CIT: variants seen among roughly 807,000 people sequenced by gnomAD.
CIT encodes the protein citron rho-interacting serine/threonine kinase.
A neutral mutation model predicts 272.7 loss-of-function variants in CIT; 79 were observed. The ratio of observed to expected loss-of-function variants is 0.29; its 90% CI spans 0.24 to 0.35. The LOEUF (loss-of-function observed/expected upper bound fraction) is 0.35, where lower values mean the gene tolerates loss of function less well. CIT is among the 10% of genes least tolerant of loss of function. The probability of loss-of-function intolerance (pLI) is 1.00; values close to 1 mark genes in which losing one functional copy is unlikely to be tolerated. For missense variants in CIT, 1,909 were observed against 2,618.3 expected (o/e 0.73, Z 5.91); for synonymous variants, 948 against 995.6 (o/e 0.95, Z 0.90).
rs140582966 is a variant in CIT, at chr12:119,728,552, G to C, written c.3541C>G (p.Gln1181Glu). 5.0e-6 allele frequency: 8 copies of C among 1,613,780 alleles called. No homozygotes were observed. The highest frequency in any genetic ancestry group is 1.3e-5 in the African/African-American group (1 of 74,924). Residue 1181 changes from glutamine to glutamate, a missense_variant, in exon 28 of 48, where the codon CAG becomes GAG. Physicochemically the swap from Gln to Glu is conservative, Grantham distance 29. Coordinates refer to ENST00000392521, the MANE Select transcript of CIT (RefSeq NM_001206999.2). This position sits in a 1 kb window ranked among gnomAD's most constrained non-coding sequence, Gnocchi z 4.3. ...AMLEMNARSL[Q>E]QKLETERELK... The stretch of plus-strand genomic sequence containing the variant: ...TCTCGTTCAGTCTCCAGCTTCTGCT[G>C]TAAGCTTCGGGCATTCATTTCAAGC...
At chr12:119,842,967 A>T (rs1234441190) in intron 5 of CIT, among the ~76,000 whole-genome samples, 1 of 152,200 alleles carries the variant, frequency 6.6e-6, no homozygotes, top group Non-Finnish European at 1.5e-5. Flanking sequence ...AGTGGGACAG[A>T]CCAGCACCCA....
rs1160619370 is a variant in CIT, at chr12:119,728,470, CT to C, written c.3591+31del. The C allele has an allele frequency of 2.8e-6, 4 of 1,418,986 alleles. No individual in the cohort carries two copies. Among genetic ancestry groups the C allele is most frequent in the Non-Finnish European group, 3.9e-6 (4 of 1,026,430 alleles). The allele number at this position is 1,418,986 out of a possible 1,614,324, so 87.9% of individuals were successfully genotyped here. ...CCTATTAAAAGAAAAAAAAAATCCACTTGGCCCTTCTCCCAGGTATTTCACA... is the reference window on the plus strand; with the variant it reads ...CCTATTAAAAGAAAAAAAAAATCCACTGGCCCTTCTCCCAGGTATTTCACA... On this transcript the variant is annotated intron_variant, in intron 28 of 47. Transcript: ENST00000392521. This position sits in a 1 kb window ranked among gnomAD's most constrained non-coding sequence, Gnocchi z 4.3.
intron 22 of CIT, among the ~76,000 whole-genome samples, chr12:119,754,425 C>A (rs1040197018): frequency 6.6e-6 from 1 of 152,204 alleles, no homozygotes; most frequent in Non-Finnish European, 1.5e-5. Flanking sequence ...CAGAGTGGAC[C>A]TCTACTAGCA....
chr12:119,694,446 G>A lies in CIT; in HGVS notation c.5882+3213C>T, dbSNP rs1253464758. ...GAATAACTACTTCTCACACTGACAC[G>A]GAGCAATCGCCAAGACACATCAAGG... is the stretch of plus-strand genomic sequence containing the variant. On this transcript the variant is annotated intron_variant, in intron 46 of 47. Transcript: ENST00000392521. The surrounding 1 kb of genome is among the most constrained non-coding windows in gnomAD (Gnocchi z 4.5). Among the ~76,000 whole-genome samples, 3 of 152,144 alleles carry A rather than the reference G, an allele frequency of 2.0e-5. No homozygotes were observed. The highest frequency in any genetic ancestry group is 4.4e-5 in the Non-Finnish European group (3 of 68,020).
Position 119,830,906 on chromosome 12 carries a change from G to A in CIT, c.753+1865C>T, listed in dbSNP as rs890750013. 4.6e-5 allele frequency among the ~76,000 whole-genome samples: 7 copies of A among 151,902 alleles called. No individual in the cohort carries two copies. The East Asian group carries it at 7.7e-4, about 17-fold the overall frequency. On this transcript the variant is annotated intron_variant, in intron 7 of 47. Transcript: ENST00000392521. Reference sequence around the variant, plus strand: ...TTTTAAGACAGGGTCTTGTTCTGTCGCCCAGGCTGGAATGCAATGGTGCAA... The same window carrying A: ...TTTTAAGACAGGGTCTTGTTCTGTCACCCAGGCTGGAATGCAATGGTGCAA...
chr12:119,832,644 A>G, intron 7 of CIT, 127 bp downstream of exon 7: 1 of 688,568 alleles, frequency 1.5e-6, no homozygotes, highest in Non-Finnish European at 2.5e-6. Flanking sequence ...CCCTGTCCCC[A>G]CCCCCATACA....
At chr12:119,862,428 C>T (rs982937003) in intron 3 of CIT, among the ~76,000 whole-genome samples, 6 of 152,232 alleles carry the variant, frequency 3.9e-5, no homozygotes, top group African/African-American at 1.4e-4. Context: ...ATTTTTCTCT[C>T]ACTATGTATG....
intron 8 of CIT, 127 bp from the exon 9 acceptor site, chr12:119,823,100 G>T: frequency 1.1e-6 from 1 of 926,562 alleles, no homozygotes; most frequent in Non-Finnish European, 1.6e-6. Flanking sequence ...AGGAAGTTTC[G>T]TGCCCTCTTC....
Position 119,690,228 on chromosome 12 carries a change from C to G in CIT, c.6109G>C (p.Gly2037Arg). The change falls in exon 47 of 48, where the codon GGG (glycine) becomes CGG (arginine). Residue 2037 changes from glycine (G) to arginine (R), a missense_variant. By Grantham distance (125) the Gly-to-Arg change is moderately radical. This residue lies in a region of CIT where 780 missense variants were observed against 1,067.2 expected (regional missense o/e 0.73). Transcript: ENST00000392521. The surrounding 1 kb of genome is among the most constrained non-coding windows in gnomAD (Gnocchi z 6.0). ...CTGCTGCTGTCTTCAAACAGCCTCC[C>G]GGGGGACCGCTCTCTCCGCGTGCTG... Reference protein sequence around the residue: ...MLSTRRERSPGRLFEDSSRGR... With the variant: ...MLSTRRERSPRRLFEDSSRGR... 6.5e-7 allele frequency: 1 copy of G among 1,535,962 alleles called. No homozygotes were observed.
rs1957121583 is a variant in CIT at position 119,710,704 on chromosome 12, G to C, written c.4855-84C>G. On this transcript the variant is annotated intron_variant, in intron 37 of 47. Transcript: ENST00000392521. This position sits in a 1 kb window ranked among gnomAD's most constrained non-coding sequence, Gnocchi z 5.6. ...ACCAAACCATCCAGAGAAACCAAGA[G>C]AAGGTTAAGGCCAAGTTATTCCTGG... The C allele has an allele frequency of 2.3e-6, 3 of 1,286,200 alleles. No individual in the cohort carries two copies. The highest frequency in any genetic ancestry group is 3.4e-5 in the Admixed American group (2 of 58,300). The allele number at this position is 1,286,200 out of a possible 1,614,324, so 79.7% of individuals were successfully genotyped here.
intron 26 of CIT, 71 bp from the exon 27 acceptor site, chr12:119,730,701 T>C: frequency 6.5e-7 from 1 of 1,530,754 alleles, no homozygotes; most frequent in Non-Finnish European, 8.9e-7. Context: ...GGCTGGTCCG[T>C]CTCTAATCCT....
intron 9 of CIT, among the ~76,000 whole-genome samples, chr12:119,807,448 T>C (rs908857026): frequency 2.6e-5 from 4 of 152,078 alleles, no homozygotes; most frequent in African/African-American, 4.8e-5. Context: ...ATGTCTCTTT[T>C]TTGATCCTTA....
At chr12:119,818,853 C>T (rs1256293349) in intron 9 of CIT, among the ~76,000 whole-genome samples, 12 of 152,138 alleles carry the variant, frequency 7.9e-5, no homozygotes, top group Admixed American at 7.9e-4. Context: ...GTGCTGGTTC[C>T]GTTGACATCA....
At chr12:119,867,180 G>C (rs190521969) in intron 3 of CIT, among the ~76,000 whole-genome samples, 12 of 151,740 alleles carry the variant, frequency 7.9e-5, no homozygotes, top group African/African-American at 2.9e-4. Context: ...ACACACAAGA[G>C]GTAATACAAT....
rs1955637167 is a variant in CIT at position 119,687,345 on chromosome 12, ACC to A, written c.*885_*886del. The A allele has an allele frequency of 6.6e-6, 1 of 152,526 alleles. No homozygotes were observed. 9.4% of individuals were successfully genotyped at this position (152,526 alleles called of 1,614,324 possible). A position where few individuals can be genotyped will look rare whatever the true frequency, so the allele number is the denominator to read the frequency against. On this transcript the variant is annotated 3_prime_UTR_variant, in exon 48 of 48. Coordinates refer to ENST00000392521, the MANE Select transcript of CIT (RefSeq NM_001206999.2). ...CCCCCGTCCCCTCCCCGACCCCGAGACCCAGGAGTGCTGGGCTCCGAGCAAGT... is the reference window on the plus strand; with the variant it reads ...CCCCCGTCCCCTCCCCGACCCCGAGACAGGAGTGCTGGGCTCCGAGCAAGT...
Position 119,858,594 on chromosome 12 carries a change from G to A in CIT, c.239-896C>T, listed in dbSNP as rs148221277. 2.6e-3 allele frequency among the ~76,000 whole-genome samples: 399 copies of A among 152,192 alleles called. 1 individual carries two copies. The highest frequency in any genetic ancestry group is 4.4e-3 in the Non-Finnish European group (301 of 67,990). ...CCAGCACTTTGGGAGGCCGAAGCGG[G>A]TGGATCACAAGGTCAGGAGATCCAG... On this transcript the variant is annotated intron_variant, in intron 3 of 47. Coordinates refer to ENST00000392521, the MANE Select transcript of CIT (RefSeq NM_001206999.2).
intron 28 of CIT, among the ~76,000 whole-genome samples, chr12:119,727,032 T>G (rs1474636027): frequency 6.6e-6 from 1 of 152,208 alleles, no homozygotes; most frequent in Non-Finnish European, 1.5e-5. Flanking sequence ...GGAAGCTAAT[T>G]TGCATGGATG....
At chr12:119,776,621 A>G (rs762431791) in intron 14 of CIT, 51 bp downstream of exon 14, 5 of 1,542,396 alleles carry the variant, frequency 3.2e-6, no homozygotes, top group Non-Finnish European at 3.5e-6. Flanking sequence ...TCTTGCTAAG[A>G]TCATGTACAA....
At chr12:119,850,323 GA>G in intron 4 of CIT, 48 bp from the exon 5 acceptor site, 9 of 1,191,196 alleles carry the variant, frequency 7.6e-6, no homozygotes, top group Non-Finnish European at 1.1e-5. Context: ...ACTGTGAGAG[GA>G]AAAAGAAGCC....
Sources: allele counts gnomAD v4.1 joint callset (sites outside exome capture counted in the v4.1 genomes callset), GRCh38; gene constraint gnomAD v4.1.1; regional missense constraint gnomAD v4.1.1; non-coding constraint Gnocchi (gnomAD v3.1); transcripts MANE v1.5; gene names NCBI Gene and HGNC (gene_info 2026-07-23, HGNC 2026-07-21).